CERK: variants seen among roughly 807,000 people sequenced by gnomAD.
The protein encoded by CERK is acylsphingosine kinase.
In CERK, 39 loss-of-function variants were observed where a neutral mutation model predicts 63.4. That is an observed-to-expected ratio of 0.61 (90% CI 0.48 to 0.80). The LOEUF (loss-of-function observed/expected upper bound fraction) is 0.80, where lower values mean the gene tolerates loss of function less well. Ranked by LOEUF, CERK falls within the 30% of genes least tolerant of loss-of-function variation. The probability of loss-of-function intolerance (pLI) is 0.00; values close to 1 mark genes in which losing one functional copy is unlikely to be tolerated. For synonymous variants in CERK, 302 were observed against 280.0 expected, an observed-to-expected ratio of 1.08 and a Z score of -0.78; for missense variants, 670 against 714.1, an observed-to-expected ratio of 0.94 and a Z score of 0.70.
intron 1 of CERK, among the ~76,000 whole-genome samples, chr22:46,734,517 A>T (rs1283594874): frequency 6.6e-6 from 1 of 152,220 alleles, no homozygotes; most frequent in Admixed American, 6.5e-5. Context: ...CCCTGGTGAG[A>T]AAACAGCCCA....
chr22:46,698,544 T>A (rs1463320738), intron 8 of CERK, among the ~76,000 whole-genome samples: 1 of 152,234 alleles, frequency 6.6e-6, no homozygotes, highest in Non-Finnish European at 1.5e-5. Flanking sequence ...AGGCTGAATT[T>A]CTGCACAAAG....
rs368437490 is a variant in CERK at position 46,695,249 on chromosome 22, G to A, written c.1010C>T (p.Thr337Met). The change falls in exon 9 of 13, where the codon ACG becomes ATG. Residue 337 changes from threonine to methionine, a missense_variant. By Grantham distance (81) the Thr-to-Met change is moderately conservative. Transcript: ENST00000216264. ...GTVSFLPAQH[T>M]VGSPRDRKPC... ...CTTCCTATCCCTTGGAGATCCCACC[G>A]TGTGTTGTGCAGGGAGGAAGGACAC... The A allele has an allele frequency of 6.1e-5, 99 of 1,610,676 alleles. No homozygotes were observed. The highest frequency in any genetic ancestry group is 7.6e-5 in the Non-Finnish European group (90 of 1,177,124).
At chr22:46,699,283 G>A (rs369768641) in intron 8 of CERK, 30 bp downstream of exon 8, 13 of 1,610,756 alleles carry the variant, frequency 8.1e-6, no homozygotes, top group African/African-American at 6.7e-5. Context: ...CACGACCAGC[G>A]GGGAGCGAGT....
At position 46,686,207 on chromosome 22, in the gene CERK, T is replaced by C. The variant is rs1363224398; in HGVS notation, c.*927A>G. On this transcript the variant is annotated 3_prime_UTR_variant, in exon 13 of 13. Coordinates refer to ENST00000216264, the MANE Select transcript of CERK (RefSeq NM_022766.6). ...TGTTCAATAAATATAGAGAACTCAG[T>C]GTGAAGAAAAGACAAGGACAAATCT... 6.6e-6 allele frequency: 1 copy of C among 152,056 alleles called. No individual in the cohort carries two copies. Among genetic ancestry groups the C allele is most frequent in the Admixed American group, 6.5e-5 (1 of 15,272 alleles). The allele number at this position is 152,056 out of a possible 1,614,324, so 9.4% of individuals were successfully genotyped here. A position where few individuals can be genotyped will look rare whatever the true frequency, so the allele number is the denominator to read the frequency against.
chr22:46,701,102 G>T (rs1303757395), intron 7 of CERK, among the ~76,000 whole-genome samples: 1 of 152,232 alleles, frequency 6.6e-6, no homozygotes, highest in Non-Finnish European at 1.5e-5. Flanking sequence ...CTGGGGTGAG[G>T]AACAGGCGAA....
intron 1 of CERK, among the ~76,000 whole-genome samples, chr22:46,723,325 A>T (rs2146584851): frequency 6.6e-6 from 1 of 152,328 alleles, no homozygotes; most frequent in East Asian, 1.9e-4. Flanking sequence ...GAACGTCAAG[A>T]ATAAGAACAC....
intron 1 of CERK, among the ~76,000 whole-genome samples, chr22:46,731,397 C>T (rs972815911): frequency 2.0e-5 from 3 of 152,206 alleles, no homozygotes; most frequent in African/African-American, 7.2e-5. Flanking sequence ...GCTGTACCCC[C>T]CACCCACCCG....
chr22:46,699,122 G>C (rs1452820282), intron 8 of CERK, among the ~76,000 whole-genome samples, 191 bp downstream of exon 8: 1 of 151,924 alleles, frequency 6.6e-6, no homozygotes, highest in African/African-American at 2.4e-5. Flanking sequence ...ATCTGGTTTA[G>C]AGCAATCCAG....
At chr22:46,688,156 C>A (rs997150106) in intron 12 of CERK, among the ~76,000 whole-genome samples, 7 of 152,048 alleles carry the variant, frequency 4.6e-5, no homozygotes, top group Non-Finnish European at 4.4e-5. Context: ...CCATTGCACT[C>A]CAGCCTGGGC....
In CERK at chr22:46,720,926, T is replaced by G. The variant is rs758402467; in HGVS notation, c.232A>C (p.Met78Leu). The change falls in exon 2 of 13, where the codon ATG becomes CTG. Residue 78 changes from methionine to leucine, a missense_variant. By Grantham distance (15) the Met-to-Leu change is conservative. Coordinates refer to ENST00000216264, the MANE Select transcript of CERK (RefSeq NM_022766.6). ...CCTGTAAAAGCGTAAGGCTTTTCCA[T>G]TTTCTGCCATTTTCCACTGCCTTGA... ...KHQGSGKWQKMEKPYAFTVHC... is the reference protein window; with the variant it reads ...KHQGSGKWQKLEKPYAFTVHC... 6.2e-6 allele frequency: 10 copies of G among 1,611,728 alleles called. No homozygotes were observed. The Admixed American group carries it at 6.7e-5, about 11-fold the overall frequency.
At chr22:46,731,497 C>T (rs1180835589) in intron 1 of CERK, among the ~76,000 whole-genome samples, 1 of 152,258 alleles carries the variant, frequency 6.6e-6, no homozygotes, top group East Asian at 1.9e-4. Context: ...GCGCCGTTCC[C>T]TGCTGGAGCA....
chr22:46,731,070 G>C (rs2082943009), intron 1 of CERK, among the ~76,000 whole-genome samples: 1 of 152,246 alleles, frequency 6.6e-6, no homozygotes, highest in African/African-American at 2.4e-5. Context: ...ACCTCTGCCA[G>C]GGCTGTACAG....
chr22:46,730,924 C>T (rs1441932691), intron 1 of CERK, among the ~76,000 whole-genome samples: 2 of 152,246 alleles, frequency 1.3e-5, no homozygotes, highest in Non-Finnish European at 2.9e-5. Flanking sequence ...GAAGGGGCAG[C>T]TTTGCAAGAC....
At chr22:46,727,287 CTT>C (rs953552357) in intron 1 of CERK, among the ~76,000 whole-genome samples, 2 of 146,610 alleles carry the variant, frequency 1.4e-5, no homozygotes. Flanking sequence ...GTCTCCTCTT[CTT>C]TTTTTTTTTG....
At chr22:46,716,256 T>A (rs1020600180) in intron 3 of CERK, among the ~76,000 whole-genome samples, 9 of 151,480 alleles carry the variant, frequency 5.9e-5, no homozygotes, top group Non-Finnish European at 1.3e-4. Context: ...AGTTGCATGA[T>A]CTCGACTCAC....
rs111670690 is a variant in CERK at position 46,701,884 on chromosome 22, C to G, written c.716-174G>C. On this transcript the variant is annotated intron_variant, in intron 6 of 12. Transcript: ENST00000216264. ...ATAGAAAATACTAGCGTTGATTCCT[C>G]AAGAATATTGAGATTGGGCCGGGCG... is the stretch of plus-strand genomic sequence containing the variant. 0.017 allele frequency among the ~76,000 whole-genome samples: 2,561 copies of G among 152,162 alleles called. 63 individuals carry two copies. Among genetic ancestry groups the G allele is most frequent in the African/African-American group, 0.059 (2,443 of 41,512 alleles).
At position 46,738,080 on chromosome 22, in the gene CERK, C is replaced by T; in HGVS notation, c.69G>A (p.Val23=). 7.8e-7 allele frequency: 1 copy of T among 1,280,922 alleles called. No individual in the cohort carries two copies. Among genetic ancestry groups the T allele is most frequent in the Non-Finnish European group, 9.9e-7 (1 of 1,007,102 alleles). The allele number at this position is 1,280,922 out of a possible 1,614,324, so 79.3% of individuals were successfully genotyped here. Residue 23 remains valine (V), a synonymous_variant, in exon 1 of 13, where the codon GTG becomes GTA. Coordinates refer to ENST00000216264, the MANE Select transcript of CERK (RefSeq NM_022766.6). ...GCAGAGCCCGCGCGGGCTCCAGGCT[C>T]ACGGCGCAGCGCTGCTGCTTCACCC... ...VLWVKQQRCA[V]SLEPARALLR...
At chr22:46,709,742 T>C (rs2082831221) in intron 5 of CERK, among the ~76,000 whole-genome samples, 1 of 152,178 alleles carries the variant, frequency 6.6e-6, no homozygotes, top group African/African-American at 2.4e-5. Flanking sequence ...GGGGAATAGC[T>C]AAACTCAAGA....
chr22:46,720,272 GA>G, intron 2 of CERK, 64 bp from the exon 3 acceptor site: 1 of 1,556,616 alleles, frequency 6.4e-7, no homozygotes, highest in Non-Finnish European at 8.7e-7. Context: ...AACCTCAAGT[GA>G]ATATGCACCA....
Sources: allele counts gnomAD v4.1 joint callset (sites outside exome capture counted in the v4.1 genomes callset), GRCh38; gene constraint gnomAD v4.1.1; transcripts MANE v1.5; gene names NCBI Gene and HGNC (gene_info 2026-07-23, HGNC 2026-07-21).